FSTL4: variants seen among roughly 807,000 people sequenced by gnomAD.
The protein encoded by FSTL4 is follistatin like 4.
In FSTL4, 28 loss-of-function variants were observed where a neutral mutation model predicts 78.2. That is an observed-to-expected ratio of 0.36 (90% CI 0.27 to 0.49). FSTL4 has a LOEUF of 0.49. Ranked by LOEUF, FSTL4 falls within the 20% of genes least tolerant of loss-of-function variation. FSTL4 has a pLI of 0.98. For missense variants in FSTL4, 922 were observed against 1,084.9 expected (o/e 0.85, Z 2.11); for synonymous variants, 422 against 440.5 (o/e 0.96, Z 0.53).
the FSTL4 span, among the ~76,000 whole-genome samples, chr5:133,828,339 C>T: frequency 2.0e-5 from 3 of 152,154 alleles, no homozygotes; most frequent in Non-Finnish European, 2.9e-5. Flanking sequence ...CTAAAGTTTG[C>T]GCACTAAAGT....
chr5:133,218,492 CA>C (rs1327056384), intron 12 of FSTL4, among the ~76,000 whole-genome samples: 13 of 152,160 alleles, frequency 8.5e-5, no homozygotes, highest in Admixed American at 8.5e-4. Flanking sequence ...CTCCCAATAA[CA>C]TTATTTCTTG....
chr5:133,671,639 T>C, the FSTL4 span, among the ~76,000 whole-genome samples: 33 of 152,338 alleles, frequency 2.2e-4, no homozygotes, highest in Admixed American at 6.5e-4. Context: ...ATGCATCCAC[T>C]CTACTGCTGT....
intron 4 of FSTL4, among the ~76,000 whole-genome samples, chr5:133,343,821 G>A (rs1327781398): frequency 6.6e-6 from 1 of 151,688 alleles, no homozygotes; most frequent in African/African-American, 2.4e-5. Flanking sequence ...TTTAGTTGAG[G>A]CCAGAATCTC....
At chr5:133,643,367 A>C in the FSTL4 span, among the ~76,000 whole-genome samples, 2 of 152,210 alleles carry the variant, frequency 1.3e-5, no homozygotes, top group Non-Finnish European at 2.9e-5. Flanking sequence ...CCTATAAGGC[A>C]TATCCATTGG....
At chr5:133,285,461 G>C (rs575274267) in intron 6 of FSTL4, among the ~76,000 whole-genome samples, 4 of 152,214 alleles carry the variant, frequency 2.6e-5, no homozygotes, top group African/African-American at 9.6e-5. Context: ...CTCTGACTTG[G>C]GCAGGAAAGG....
chr5:133,271,957 C>G (rs2126848146), intron 6 of FSTL4, among the ~76,000 whole-genome samples: 1 of 152,242 alleles, frequency 6.6e-6, no homozygotes, highest in Admixed American at 6.5e-5. Context: ...CCTCCTCCAC[C>G]CTGAAGAGCA....
At chr5:133,569,286 C>G (rs186369871) in intron 2 of FSTL4, among the ~76,000 whole-genome samples, 1 of 152,328 alleles carries the variant, frequency 6.6e-6, no homozygotes, top group East Asian at 1.9e-4. Context: ...TTAACCAATT[C>G]TCAACCCATG....
At chr5:133,300,657 C>T (rs867865154) in intron 6 of FSTL4, among the ~76,000 whole-genome samples, 2 of 152,180 alleles carry the variant, frequency 1.3e-5, no homozygotes, top group Admixed American at 6.5e-5. Context: ...TCCAAGCCAT[C>T]GTTTCCCTGA....
At chr5:133,596,658 T>G (rs414832) in intron 2 of FSTL4, among the ~76,000 whole-genome samples, 17,452 of 151,940 alleles carry the variant, frequency 0.11, 1,191 homozygotes, top group African/African-American at 0.19. Context: ...GGTAGACAGG[T>G]GCTACCTTAG....
intron 6 of FSTL4, among the ~76,000 whole-genome samples, chr5:133,288,739 G>A (rs1753191794): frequency 6.6e-6 from 1 of 152,204 alleles, no homozygotes; most frequent in Non-Finnish European, 1.5e-5. Context: ...TGTGAAAAGG[G>A]CTCTGGCCTC....
At chr5:133,328,866 C>G (rs890202413) in intron 4 of FSTL4, among the ~76,000 whole-genome samples, 4 of 152,162 alleles carry the variant, frequency 2.6e-5, no homozygotes, top group Non-Finnish European at 4.4e-5. Flanking sequence ...CTGCATCCTC[C>G]CAAACATCTA....
chr5:133,775,049 T>C, the FSTL4 span, among the ~76,000 whole-genome samples: 1 of 152,220 alleles, frequency 6.6e-6, no homozygotes, highest in Non-Finnish European at 1.5e-5. Context: ...ATTGAGCCTC[T>C]TGGAATTGCA....
chr5:133,455,480 T>C (rs199736558), intron 3 of FSTL4, among the ~76,000 whole-genome samples: 3 of 8,644 alleles, frequency 3.5e-4, no homozygotes, highest in South Asian at 2.0e-3. Context: ...TTTTTAAGCA[T>C]ATATATATAT....
At chr5:133,597,423 C>T (rs1760762101) in intron 2 of FSTL4, among the ~76,000 whole-genome samples, 1 of 152,222 alleles carries the variant, frequency 6.6e-6, no homozygotes, top group South Asian at 2.1e-4. Context: ...ATTTACAATG[C>T]ACAGCCTGAT....
At chr5:133,760,200 C>T in the FSTL4 span, among the ~76,000 whole-genome samples, 1 of 152,176 alleles carries the variant, frequency 6.6e-6, no homozygotes, top group Non-Finnish European at 1.5e-5. Flanking sequence ...ACCAGAATGG[C>T]CAGCCTTGAC....
At chr5:133,785,731 G>C in the FSTL4 span, among the ~76,000 whole-genome samples, 1 of 152,170 alleles carries the variant, frequency 6.6e-6, no homozygotes, top group East Asian at 1.9e-4. Flanking sequence ...TGTGGCTCAG[G>C]GTGAGGTTGG....
chr5:133,695,008 G>A, the FSTL4 span, among the ~76,000 whole-genome samples: 2 of 152,086 alleles, frequency 1.3e-5, no homozygotes, highest in South Asian at 4.2e-4. Flanking sequence ...AGTCCATAAT[G>A]CCTTGTTTTC....
rs542119748 is a variant in FSTL4 at position 133,319,021 on chromosome 5, C to T, written c.410-2369G>A. ...CTGGCGTCCCCCTGTGAGCAGGGGT[C>T]TGCAGCTGGACAACACCTCCAACAC... is the stretch of plus-strand genomic sequence containing the variant. On this transcript the variant is annotated intron_variant, in intron 4 of 15. Transcript: ENST00000265342. Among the ~76,000 whole-genome samples the T allele has an allele frequency of 2.0e-5, 3 of 152,230 alleles. No homozygotes were observed. In the South Asian group the frequency reaches 6.2e-4, roughly 31 times the overall value.
chr5:133,314,620 T>C (rs1359656044), intron 5 of FSTL4, among the ~76,000 whole-genome samples: 2 of 151,992 alleles, frequency 1.3e-5, no homozygotes. Context: ...CCAAGTGCCC[T>C]GAGGAGAGCA....
Sources: gnomAD v4.1 joint callset for allele counts (sites outside exome capture counted in the v4.1 genomes callset) on GRCh38, gnomAD v4.1.1 for gene constraint, MANE v1.5 for transcripts, NCBI Gene and HGNC (gene_info 2026-07-23, HGNC 2026-07-21) for gene names.